The following MMP24 variants were observed in gnomAD, a reference collection of about 807,000 sequenced individuals.
MMP24 encodes the protein matrix metalloproteinase-24.
In MMP24, 25 loss-of-function variants were observed where a neutral mutation model predicts 62.8. The ratio of observed to expected loss-of-function variants is 0.40; its 90% CI spans 0.29 to 0.56. MMP24 has a LOEUF of 0.56. MMP24 is among the 20% of genes least tolerant of loss of function. The probability of loss-of-function intolerance (pLI) is 0.50; values close to 1 mark genes in which losing one functional copy is unlikely to be tolerated. For missense variants in MMP24, 634 were observed against 853.6 expected, an observed-to-expected ratio of 0.74 and a Z score of 3.21; for synonymous variants, 319 against 350.5, an observed-to-expected ratio of 0.91 and a Z score of 1.00.
chr20:35,254,897 C>A, intron 4 of MMP24, 143 bp downstream of exon 4: 1 of 962,368 alleles, frequency 1.0e-6, no homozygotes, highest in Non-Finnish European at 1.5e-6. Context: ...ACTGTGATTT[C>A]TGATAATATT....
At chr20:35,257,257 C>T (rs911233409) in intron 4 of MMP24, among the ~76,000 whole-genome samples, 6 of 152,180 alleles carry the variant, frequency 3.9e-5, no homozygotes, top group Non-Finnish European at 8.8e-5. Flanking sequence ...GTTCTTTGTC[C>T]TCTTCTTTCT....
intron 2 of MMP24, among the ~76,000 whole-genome samples, chr20:35,247,579 C>A (rs114752145): frequency 0.02 from 3,042 of 152,138 alleles, 87 homozygotes; most frequent in African/African-American, 0.068. Context: ...GAGGATGGTC[C>A]CAATCACTCA....
In MMP24 at chr20:35,226,787, C is replaced by A; in HGVS notation, c.49C>A (p.Pro17Thr). Residue 17 changes from proline to threonine, a missense_variant, in exon 1 of 9, where the codon CCG becomes ACG. By Grantham distance (38) the Pro-to-Thr change is conservative. Around this residue, in one of 3 missense-constraint regions of MMP24, gnomAD observed 212 missense variants for 259.6 expected, o/e 0.82. Coordinates refer to ENST00000246186, the MANE Select transcript of MMP24 (RefSeq NM_006690.4). ...CGCCGCGCCGGGGCCGCCGCCGCCG[C>A]CGCCGCCGCCGGGCCAGGCCCCGCG... is the stretch of plus-strand genomic sequence containing the variant. ...GRAAPGPPPP[P>T]PPPGQAPRWS... 1.2e-6 allele frequency: 1 copy of A among 818,368 alleles called. No homozygotes were observed. 50.7% of individuals were successfully genotyped at this position (818,368 alleles called of 1,614,324 possible). A position where few individuals can be genotyped will look rare whatever the true frequency, so the allele number is the denominator to read the frequency against.
At chr20:35,250,144 G>C (rs2146214584) in intron 2 of MMP24, among the ~76,000 whole-genome samples, 1 of 152,126 alleles carries the variant, frequency 6.6e-6, no homozygotes, top group South Asian at 2.1e-4. Flanking sequence ...AGTAGAGATA[G>C]GGTTTTGCCA....
intron 1 of MMP24, among the ~76,000 whole-genome samples, chr20:35,244,919 A>G (rs2060507000): frequency 6.6e-6 from 1 of 152,296 alleles, no homozygotes; most frequent in East Asian, 1.9e-4. Flanking sequence ...TACTATAACC[A>G]AAGGATACTC....
At chr20:35,237,614 A>G (rs2060470290) in intron 1 of MMP24, among the ~76,000 whole-genome samples, 1 of 152,244 alleles carries the variant, frequency 6.6e-6, no homozygotes, top group Non-Finnish European at 1.5e-5. Context: ...ACCACAGTGC[A>G]TCATCTCACT....
chr20:35,230,179 G>C (rs2146197324), intron 1 of MMP24, among the ~76,000 whole-genome samples: 1 of 152,118 alleles, frequency 6.6e-6, no homozygotes, highest in Admixed American at 6.5e-5. Flanking sequence ...TAGTAGAGAA[G>C]GGTTTTCGCC....
chr20:35,247,331 C>T (rs559171884), intron 2 of MMP24, among the ~76,000 whole-genome samples: 16 of 152,306 alleles, frequency 1.1e-4, no homozygotes, highest in African/African-American at 2.9e-4. Flanking sequence ...TTCCCTGCAA[C>T]GTGCATGTCT....
intron 1 of MMP24, among the ~76,000 whole-genome samples, chr20:35,240,095 A>G (rs2060482427): frequency 6.6e-6 from 1 of 152,146 alleles, no homozygotes; most frequent in African/African-American, 2.4e-5. Flanking sequence ...GGCTCTGGAT[A>G]CTTGTAGGCA....
chr20:35,253,448 CT>C (rs780184193), intron 3 of MMP24, among the ~76,000 whole-genome samples: 22 of 151,826 alleles, frequency 1.4e-4, no homozygotes, highest in Non-Finnish European at 3.1e-4. Context: ...TCTTGGGTCT[CT>C]TGAAGGGGTA....
At chr20:35,235,559 G>A (rs765398355) in intron 1 of MMP24, among the ~76,000 whole-genome samples, 10 of 152,062 alleles carry the variant, frequency 6.6e-5, no homozygotes, top group East Asian at 1.9e-4. Context: ...TTAGCTGAGC[G>A]TGGTGGTGGG....
rs988167309 is a variant in MMP24, at chr20:35,275,975, C to T, written c.*1366C>T. 1 of 398,634 alleles carries T rather than the reference C, an allele frequency of 2.5e-6. No individual in the cohort carries two copies. The highest frequency in any genetic ancestry group is 4.4e-6 in the Non-Finnish European group (1 of 226,106). 24.7% of individuals were successfully genotyped at this position (398,634 alleles called of 1,614,324 possible). ...GTACGGCGGAGGCAGCCCTGCTTGT[C>T]ACTGAGGAGCCCTAGACAAGGCCAA... On this transcript the variant is annotated 3_prime_UTR_variant, in exon 9 of 9. Transcript: ENST00000246186.
chr20:35,272,974 A>G (rs1316586135), intron 8 of MMP24, among the ~76,000 whole-genome samples: 1 of 152,050 alleles, frequency 6.6e-6, no homozygotes. Context: ...CATTGTCATC[A>G]TCATGGGTTT....
rs780711150 is a variant in MMP24 at position 35,246,986 on chromosome 20, C to T, written c.393C>T (p.Ile131=). Residue 131 remains isoleucine (I), a splice_region_variant and synonymous_variant, in exon 2 of 9, where the codon ATC becomes ATT. Coordinates refer to ENST00000246186, the MANE Select transcript of MMP24 (RefSeq NM_006690.4). ...CCGGTGTGTTGGATCAGACAACGAT[C>T]GAGTAAGATTTCCATAGGACATTGT... is the stretch of plus-strand genomic sequence containing the variant. ...PVTGVLDQTT[I]EWMKKPRCGV... 14 of 1,614,008 alleles carry T rather than the reference C, an allele frequency of 8.7e-6. No individual in the cohort carries two copies. Among genetic ancestry groups the T allele is most frequent in the African/African-American group, 2.7e-5 (2 of 75,056 alleles).
intron 1 of MMP24, among the ~76,000 whole-genome samples, chr20:35,228,255 C>G (rs2060423716): frequency 6.6e-6 from 1 of 152,088 alleles, no homozygotes; most frequent in Non-Finnish European, 1.5e-5. Flanking sequence ...TTTCTTCAGC[C>G]TCTCAAAGGG....
In MMP24 at chr20:35,269,632, T is replaced by G; in HGVS notation, c.1195-128T>G. On this transcript the variant is annotated intron_variant, in intron 6 of 8. Transcript: ENST00000246186. The surrounding 1 kb of genome is among the most constrained non-coding windows in gnomAD (Gnocchi z 4.6). ...TGTCTTCCTCCCAGGGCTTTAAAAG[T>G]CAGAAGCAGCTAATGGACAGTCTCG... The G allele has an allele frequency of 8.5e-7, 1 of 1,177,282 alleles. No individual in the cohort carries two copies. The highest frequency in any genetic ancestry group is 1.2e-6 in the Non-Finnish European group (1 of 858,530). 72.9% of individuals were successfully genotyped at this position (1,177,282 alleles called of 1,614,324 possible).
chr20:35,237,545 A>G (rs1002610599), intron 1 of MMP24, among the ~76,000 whole-genome samples: 1 of 152,162 alleles, frequency 6.6e-6, no homozygotes, highest in African/African-American at 2.4e-5. Flanking sequence ...ATAAGGCAAC[A>G]TATTCCCAGG....
chr20:35,262,131 G>A (rs1472811994), intron 4 of MMP24, among the ~76,000 whole-genome samples: 2 of 152,160 alleles, frequency 1.3e-5, no homozygotes, highest in Non-Finnish European at 2.9e-5. Flanking sequence ...TCTTGTAGGG[G>A]TGGGTTGCCC....
intron 1 of MMP24, among the ~76,000 whole-genome samples, chr20:35,234,141 C>T (rs1202484423): frequency 6.6e-6 from 1 of 152,130 alleles, no homozygotes; most frequent in Non-Finnish European, 1.5e-5. Context: ...TATACAGGCT[C>T]CTTCCCATTC....
Sources: allele counts gnomAD v4.1 joint callset (sites outside exome capture counted in the v4.1 genomes callset), GRCh38; gene constraint gnomAD v4.1.1; regional missense constraint gnomAD v4.1.1; non-coding constraint Gnocchi (gnomAD v3.1); transcripts MANE v1.5; gene names NCBI Gene and HGNC (gene_info 2026-07-23, HGNC 2026-07-21).